Variants in NFASC observed in about 807,000 individuals in gnomAD.
NFASC encodes neurofascin homolog.
NFASC carries 43 observed loss-of-function variants against 147.5 expected under a neutral mutation model. The ratio of observed to expected loss-of-function variants is 0.29; its 90% CI spans 0.23 to 0.38. NFASC has a LOEUF of 0.38. Ranked by LOEUF, NFASC falls within the 10% of genes least tolerant of loss-of-function variation. The probability of loss-of-function intolerance (pLI) is 1.00; values close to 1 mark genes in which losing one functional copy is unlikely to be tolerated. For synonymous variants in NFASC, 622 were observed against 665.5 expected (o/e 0.93, Z 1.01); for missense variants, 1,320 against 1,689.0 (o/e 0.78, Z 3.83).
At chr1:204,964,753 A>T (rs1406548091) in intron 8 of NFASC, among the ~76,000 whole-genome samples, 1 of 152,214 alleles carries the variant, frequency 6.6e-6, no homozygotes, top group Non-Finnish European at 1.5e-5. Context: ...AGTGGTCTGG[A>T]TGAGGGATAC....
Position 204,940,898 on chromosome 1 carries a change from G to A in NFASC, c.-90-3328G>A, listed in dbSNP as rs186904802. The stretch of plus-strand genomic sequence containing the variant: ...TTTGGCTGTTGTGCATGATGCTGCT[G>A]TGAACATTTTGTGTACATGTACTTG... On this transcript the variant is annotated intron_variant, in intron 2 of 29. Coordinates refer to ENST00000339876, the MANE Select transcript of NFASC (RefSeq NM_001005388.3). 5.3e-5 allele frequency among the ~76,000 whole-genome samples: 8 copies of A among 152,346 alleles called. No homozygotes were observed. In the East Asian group the frequency reaches 1.5e-3, roughly 29 times the overall value.
chr1:204,956,710 A>G (rs1386944496), intron 7 of NFASC, among the ~76,000 whole-genome samples: 1 of 152,256 alleles, frequency 6.6e-6, no homozygotes, highest in Admixed American at 6.5e-5. Flanking sequence ...ACAGTAAATC[A>G]GGAATGGTTT....
intron 1 of NFASC, among the ~76,000 whole-genome samples, chr1:204,903,725 G>A (rs938213395): frequency 1.3e-5 from 2 of 152,200 alleles, no homozygotes; most frequent in Non-Finnish European, 2.9e-5. Flanking sequence ...GTACAAATTT[G>A]TCTCTGACTC....
intron 27 of NFASC, among the ~76,000 whole-genome samples, chr1:205,006,206 ACT>A (rs887568392): frequency 6.6e-6 from 1 of 152,232 alleles, no homozygotes; most frequent in African/African-American, 2.4e-5. Context: ...TGCCAGGTTA[ACT>A]GTATTATAGT....
intron 2 of NFASC, among the ~76,000 whole-genome samples, chr1:204,930,255 G>C (rs1232873949): frequency 6.6e-6 from 1 of 152,204 alleles, no homozygotes; most frequent in Non-Finnish European, 1.5e-5. Flanking sequence ...AGCTCTGAGA[G>C]TCAGCAGGGG....
At chr1:204,832,407 ACTGCAAGGTTCACACAC>A (rs1672471611) in intron 1 of NFASC, among the ~76,000 whole-genome samples, 1 of 151,998 alleles carries the variant, frequency 6.6e-6, no homozygotes, top group South Asian at 2.1e-4. Flanking sequence ...TATTGTGAGG[ACTGCAAGGTTCACACAC>A]CTGCAAGGTG....
chr1:205,002,669 G>T lies in NFASC; in HGVS notation c.3210G>T (p.Gly1070=). Residue 1070 remains glycine (G), a synonymous_variant, in exon 27 of 30, where the codon GGG becomes GGT. Transcript: ENST00000339876. ...TACAGCTGACAGACCTCTATCCCGG[G>T]ATGACATACACGTTGCGGGTTTATT... is the stretch of plus-strand genomic sequence containing the variant. ...QPIQLTDLYP[G]MTYTLRVYSR... is the part of the protein sequence containing the mutation. 1.3e-6 allele frequency: 2 copies of T among 1,588,504 alleles called. No homozygotes were observed. Among genetic ancestry groups the T allele is most frequent in the Non-Finnish European group, 1.7e-6 (2 of 1,160,854 alleles).
At chr1:204,955,097 G>A in intron 7 of NFASC, 146 bp downstream of exon 7, 2 of 964,760 alleles carry the variant, frequency 2.1e-6, no homozygotes, top group Admixed American at 4.4e-5. Context: ...GAGAACACAG[G>A]CTCTGCAGAG....
intron 21 of NFASC, chr1:204,984,382 CATATAT>C (rs55787898): frequency 0.31 from 41,444 of 134,086 alleles, 6,272 homozygotes; most frequent in Non-Finnish European, 0.35. Flanking sequence ...TATATATACG[CATATAT>C]ATATATATAT....
intron 25 of NFASC, chr1:204,998,951 TTGGGAACACCC>T (rs1233697968): frequency 3.8e-4 from 58 of 152,226 alleles, no homozygotes; most frequent in African/African-American, 1.3e-3. Flanking sequence ...TATCTAGACC[TTGGGAACACCC>T]CTCAACCATC....
chr1:204,972,293 A>G (rs892319667), intron 11 of NFASC, among the ~76,000 whole-genome samples: 1 of 152,214 alleles, frequency 6.6e-6, no homozygotes, highest in African/African-American at 2.4e-5. Flanking sequence ...CAGAAATCTT[A>G]GGAAGGAAAG....
At chr1:204,856,034 G>C (rs2076122690) in intron 1 of NFASC, among the ~76,000 whole-genome samples, 4 of 152,170 alleles carry the variant, frequency 2.6e-5, no homozygotes, top group Admixed American at 2.6e-4. Context: ...GAAGCTCAGA[G>C]AGATTAGAGT....
chr1:204,859,941 A>G, intron 1 of NFASC, among the ~76,000 whole-genome samples: 1 of 152,168 alleles, frequency 6.6e-6, no homozygotes, highest in East Asian at 1.9e-4. Flanking sequence ...TTGGTTTCCT[A>G]ATAAAGCCTT....
chr1:204,883,749 G>C (rs1308136264), intron 1 of NFASC, among the ~76,000 whole-genome samples: 3 of 152,224 alleles, frequency 2.0e-5, no homozygotes, highest in African/African-American at 7.2e-5. Context: ...GGTGCCAGCA[G>C]CATGGGATTG....
At chr1:204,831,195 GT>G (rs1281313562) in intron 1 of NFASC, among the ~76,000 whole-genome samples, 1 of 152,024 alleles carries the variant, frequency 6.6e-6, no homozygotes, top group East Asian at 1.9e-4. Flanking sequence ...ATATTTCCCA[GT>G]TTTGTGCAAT....
Position 204,957,657 on chromosome 1 carries a change from C to T in NFASC, c.537C>T (p.Ser179=), listed in dbSNP as rs2094491532. The T allele has an allele frequency of 6.2e-7, 1 of 1,613,888 alleles. No homozygotes were observed. Among genetic ancestry groups the T allele is most frequent in the African/African-American group, 1.3e-5 (1 of 74,888 alleles). ...TGCCGTACCTCTGCTTTCTTATAGC[C>T]ATGGAGCCCATCACCCAAGACAAAC... ...PSPVIFWMSS[S]MEPITQDKRV... The change falls in exon 8 of 30, where the codon TCC becomes TCT. Residue 179 remains serine (S), a splice_region_variant and synonymous_variant. Transcript: ENST00000339876.
At chr1:204,993,791 G>C (rs745684055) in intron 24 of NFASC, 3 of 517,862 alleles carry the variant, frequency 5.8e-6, no homozygotes, top group Admixed American at 3.9e-5. Context: ...GCCTGGTGCT[G>C]CTCTGTTGGT....
chr1:204,976,542 A>C (rs1381776269), intron 15 of NFASC, 129 bp from the exon 16 acceptor site: 5 of 662,322 alleles, frequency 7.5e-6, no homozygotes, highest in Non-Finnish European at 1.3e-5. Context: ...ATTGAGAGGG[A>C]GCCTCATACC....
chr1:204,930,846 G>A (rs376846853), intron 2 of NFASC, among the ~76,000 whole-genome samples: 6 of 152,216 alleles, frequency 3.9e-5, no homozygotes, highest in Non-Finnish European at 5.9e-5. Context: ...GGCCTATACA[G>A]GCCTGGAGGC....
Sources: allele counts gnomAD v4.1 joint callset (sites outside exome capture counted in the v4.1 genomes callset), GRCh38; gene constraint gnomAD v4.1.1; transcripts MANE v1.5; gene names NCBI Gene and HGNC (gene_info 2026-07-23, HGNC 2026-07-21).